Variants in CCND2 observed in about 807,000 individuals in gnomAD.
CCND2 encodes G1/S-specific cyclin-D2.
A neutral mutation model predicts 30.2 loss-of-function variants in CCND2; 6 were observed. The observed-to-expected ratio is 0.20, with a 90% CI of 0.11 to 0.39. CCND2 has a LOEUF of 0.39. Among genes scored for constraint, CCND2 ranks in the 10% least tolerant of loss-of-function variants. CCND2 has a pLI of 1.00. For synonymous variants in CCND2, 150 were observed against 153.1 expected, an observed-to-expected ratio of 0.98 and a Z score of 0.15; for missense variants, 235 against 373.4, an observed-to-expected ratio of 0.63 and a Z score of 3.06.
chr12:4,275,995 C>T lies in CCND2; in HGVS notation c.196-10C>T. On this transcript the variant is annotated splice_polypyrimidine_tract_variant and intron_variant, in intron 1 of 4. Coordinates refer to ENST00000261254, the MANE Select transcript of CCND2 (RefSeq NM_001759.4). Reference sequence around the variant, plus strand: ...CCCCGCCCCCCAACCCTTTCCCACTCCCATTATAGGTCTGTGAGGAACAGA... The same window carrying T: ...CCCCGCCCCCCAACCCTTTCCCACTTCCATTATAGGTCTGTGAGGAACAGA... The T allele has an allele frequency of 6.6e-7, 1 of 1,504,626 alleles. No individual in the cohort carries two copies. Among genetic ancestry groups the T allele is most frequent in the Non-Finnish European group, 9.1e-7 (1 of 1,104,186 alleles). 93.2% of individuals were successfully genotyped at this position (1,504,626 alleles called of 1,614,324 possible). A position where few individuals can be genotyped will look rare whatever the true frequency, so the allele number is the denominator to read the frequency against.
chr12:4,303,372 G>T lies in CCND2; in HGVS notation c.*3363G>T, dbSNP rs140753367. On this transcript the variant is annotated 3_prime_UTR_variant, in exon 5 of 5. Transcript: ENST00000261254. The surrounding 1 kb of genome is among the most constrained non-coding windows in gnomAD (Gnocchi z 4.6). Reference sequence around the variant, plus strand: ...TCTTTGGTAGGAGTTTTGTTCCAGAGGAGCTCTCCCCCTTGGATTTGAACT... The same window carrying T: ...TCTTTGGTAGGAGTTTTGTTCCAGATGAGCTCTCCCCCTTGGATTTGAACT... 1.6e-3 allele frequency: 378 copies of T among 233,388 alleles called. 2 individuals carry two copies. Among genetic ancestry groups the T allele is most frequent in the African/African-American group, 7.8e-3 (355 of 45,478 alleles). 14.5% of individuals were successfully genotyped at this position (233,388 alleles called of 1,614,324 possible).
chr12:4,292,354 C>A (rs937904381), intron 4 of CCND2, among the ~76,000 whole-genome samples: 2 of 152,096 alleles, frequency 1.3e-5, no homozygotes, highest in Admixed American at 6.5e-5. Context: ...TCCCCCAGAG[C>A]CCCTGAAGTT....
rs1179753742 is a variant in CCND2, at chr12:4,274,349, G to A, written c.195+114G>A. The stretch of plus-strand genomic sequence containing the variant: ...TCCCCGCGCCGGCCTCCCGGCTCCT[G>A]TGCGGGAGTTTACCGCGCGCCTTCT... On this transcript the variant is annotated intron_variant, in intron 1 of 4. Transcript: ENST00000261254. This position sits in a 1 kb window ranked among gnomAD's most constrained non-coding sequence, Gnocchi z 7.7. 2.6e-6 allele frequency: 3 copies of A among 1,152,358 alleles called. No individual in the cohort carries two copies. The highest frequency in any genetic ancestry group is 3.8e-6 in the Non-Finnish European group (3 of 798,130). 71.4% of individuals were successfully genotyped at this position (1,152,358 alleles called of 1,614,324 possible).
intron 3 of CCND2, among the ~76,000 whole-genome samples, chr12:4,281,507 G>C (rs1170867541): frequency 6.6e-6 from 1 of 152,046 alleles, no homozygotes; most frequent in African/African-American, 2.4e-5. Flanking sequence ...CCGAGCTGTT[G>C]CCCTCACCTG....
At position 4,302,233 on chromosome 12, in the gene CCND2, A is replaced by G. The variant is rs1864260032; in HGVS notation, c.*2224A>G. The G allele has an allele frequency of 8.6e-6, 2 of 232,920 alleles. No individual in the cohort carries two copies. The highest frequency in any genetic ancestry group is 8.5e-6 in the Non-Finnish European group (1 of 117,746). 14.4% of individuals were successfully genotyped at this position (232,920 alleles called of 1,614,324 possible). On this transcript the variant is annotated 3_prime_UTR_variant, in exon 5 of 5. Coordinates refer to ENST00000261254, the MANE Select transcript of CCND2 (RefSeq NM_001759.4). ...GTTAGACCCTGGTATCCTCATCATG[A>G]TGGAAAAAATACATTGAACCAAGGG...
At position 4,302,812 on chromosome 12, in the gene CCND2, T is replaced by C. The variant is rs1864269408; in HGVS notation, c.*2803T>C. On this transcript the variant is annotated 3_prime_UTR_variant, in exon 5 of 5. Transcript: ENST00000261254. ...GTGTGTTTAGAAGGGTTCAGGACTTTGTGAGTTAGCATGACCCTAAAATTC... is the reference window on the plus strand; with the variant it reads ...GTGTGTTTAGAAGGGTTCAGGACTTCGTGAGTTAGCATGACCCTAAAATTC... The C allele has an allele frequency of 4.3e-6, 1 of 233,146 alleles. No homozygotes were observed. Among genetic ancestry groups the C allele is most frequent in the South Asian group, 1.8e-4 (1 of 5,530 alleles). The allele number at this position is 233,146 out of a possible 1,614,324, so 14.4% of individuals were successfully genotyped here. A position where few individuals can be genotyped will look rare whatever the true frequency, so the allele number is the denominator to read the frequency against.
At chr12:4,290,755 C>G (rs1004484365) in intron 4 of CCND2, among the ~76,000 whole-genome samples, 1 of 152,212 alleles carries the variant, frequency 6.6e-6, no homozygotes, top group Non-Finnish European at 1.5e-5. Flanking sequence ...GCTGCTGAGT[C>G]TCTTGGCTTT....
chr12:4,277,228 G>C (rs1863887066), intron 2 of CCND2, among the ~76,000 whole-genome samples: 1 of 152,212 alleles, frequency 6.6e-6, no homozygotes, highest in African/African-American at 2.4e-5. Context: ...CTTCTGGTTT[G>C]GTCCGAGAGG....
chr12:4,294,686 G>C (rs1183470295), intron 4 of CCND2, among the ~76,000 whole-genome samples: 2 of 152,186 alleles, frequency 1.3e-5, no homozygotes, highest in Non-Finnish European at 2.9e-5. Flanking sequence ...AGATGTCACT[G>C]GGACAAGCCA....
chr12:4,275,864 G>T, intron 1 of CCND2, 141 bp from the exon 2 acceptor site: 2 of 564,010 alleles, frequency 3.5e-6, no homozygotes, highest in South Asian at 2.5e-5. Context: ...TTCTTATCAC[G>T]CATTCTGGTC....
rs888143697 is a variant in CCND2, at chr12:4,274,745, G to A, written c.195+510G>A. ...GAGGAGGGAGAAGGAGAGAAACGGG[G>A]AATTCGGGAGCCCCGGAAGTCCCAT... On this transcript the variant is annotated intron_variant, in intron 1 of 4. Transcript: ENST00000261254. The surrounding 1 kb of genome is among the most constrained non-coding windows in gnomAD (Gnocchi z 7.7). Among the ~76,000 whole-genome samples, 2 of 152,202 alleles carry A rather than the reference G, an allele frequency of 1.3e-5. No individual in the cohort carries two copies. The highest frequency in any genetic ancestry group is 4.8e-5 in the African/African-American group (2 of 41,462).
In CCND2 at chr12:4,299,392, A is replaced by T. The variant is rs1211979181; in HGVS notation, c.721-468A>T. 6.6e-6 allele frequency among the ~76,000 whole-genome samples: 1 copy of T among 152,180 alleles called. No homozygotes were observed. The highest frequency in any genetic ancestry group is 6.5e-5 in the Admixed American group (1 of 15,274). On this transcript the variant is annotated intron_variant, in intron 4 of 4. Transcript: ENST00000261254. This position sits in a 1 kb window ranked among gnomAD's most constrained non-coding sequence, Gnocchi z 5.2. ...TATGTGAGGGTCAGTACGTTGGTTC[A>T]TTGGCTTCCTTCTTATCTAGTTCTC...
Position 4,285,296 on chromosome 12 carries a change from A to G in CCND2, c.572-3546A>G. ...GCAGGAGGAAGGATCTCAGGAAGTCACCAGCATCTCACCTCTCCAGGTGGG... is the reference window on the plus strand; with the variant it reads ...GCAGGAGGAAGGATCTCAGGAAGTCGCCAGCATCTCACCTCTCCAGGTGGG... On this transcript the variant is annotated intron_variant, in intron 3 of 4. Transcript: ENST00000261254. The surrounding 1 kb of genome is among the most constrained non-coding windows in gnomAD (Gnocchi z 4.1). 1 of 985,442 alleles carries G rather than the reference A, an allele frequency of 1.0e-6. No individual in the cohort carries two copies. Among genetic ancestry groups the G allele is most frequent in the African/African-American group, 1.7e-5 (1 of 57,346 alleles). 61.0% of individuals were successfully genotyped at this position (985,442 alleles called of 1,614,324 possible).
chr12:4,274,261 G>C lies in CCND2; in HGVS notation c.195+26G>C. On this transcript the variant is annotated intron_variant, in intron 1 of 4. Transcript: ENST00000261254. The surrounding 1 kb of genome is among the most constrained non-coding windows in gnomAD (Gnocchi z 7.7). ...GTAGGTCGGGGGGTGGCGCTCGCCA[G>C]GAGCCAGGACCCCTCCGGATGCTCG... 4 of 1,611,540 alleles carry C rather than the reference G, an allele frequency of 2.5e-6. No individual in the cohort carries two copies. The highest frequency in any genetic ancestry group is 2.2e-5 in the East Asian group (1 of 44,858).
intron 4 of CCND2, chr12:4,298,057 T>C (rs1864198897): frequency 4.5e-6 from 1 of 222,336 alleles, no homozygotes; most frequent in African/African-American, 2.2e-5. Flanking sequence ...CAGTTTATTG[T>C]TATACATAAT....
In CCND2 at chr12:4,292,488, T is replaced by C. The variant is rs187970319; in HGVS notation, c.720+3498T>C. Among the ~76,000 whole-genome samples, 389 of 152,082 alleles carry C rather than the reference T, an allele frequency of 2.6e-3. 4 individuals carry two copies. Among genetic ancestry groups the C allele is most frequent in the African/African-American group, 8.7e-3 (360 of 41,484 alleles). ...GCTGTGGAAAGAGGGTCCCCCTGAT[T>C]CTTGTGAGATGGCCAGGCGAGTCTC... On this transcript the variant is annotated intron_variant, in intron 4 of 4. Transcript: ENST00000261254.
At chr12:4,283,865 T>G (rs1357785068) in intron 3 of CCND2, among the ~76,000 whole-genome samples, 1 of 152,188 alleles carries the variant, frequency 6.6e-6, no homozygotes, top group African/African-American at 2.4e-5. Context: ...GTTCATGGGG[T>G]TCTTTTCATT....
At chr12:4,290,666 T>C (rs913114581) in intron 4 of CCND2, among the ~76,000 whole-genome samples, 1 of 149,950 alleles carries the variant, frequency 6.7e-6, no homozygotes, top group Non-Finnish European at 1.5e-5. Context: ...CCCTACCGGC[T>C]CCAGCCTTTT....
At chr12:4,281,331 A>G (rs918279048) in intron 3 of CCND2, among the ~76,000 whole-genome samples, 1 of 152,208 alleles carries the variant, frequency 6.6e-6, no homozygotes. Context: ...TCGGCCTCAC[A>G]GTACAAACAC....
Sources: allele counts gnomAD v4.1 joint callset (sites outside exome capture counted in the v4.1 genomes callset), GRCh38; gene constraint gnomAD v4.1.1; non-coding constraint Gnocchi (gnomAD v3.1); transcripts MANE v1.5; gene names NCBI Gene and HGNC (gene_info 2026-07-23, HGNC 2026-07-21).